Variants in GRM7 observed in about 807,000 individuals in gnomAD.
The protein encoded by GRM7 is metabotropic glutamate receptor 7.
GRM7 carries 35 observed loss-of-function variants against 84.5 expected under a neutral mutation model. That is an observed-to-expected ratio of 0.41 (90% confidence interval 0.32 to 0.55). GRM7 has a LOEUF of 0.55. Among genes scored for constraint, GRM7 ranks in the 20% least tolerant of loss-of-function variants. The probability of loss-of-function intolerance (pLI) is 0.19; values close to 1 mark genes in which losing one functional copy is unlikely to be tolerated. For synonymous variants in GRM7, 487 were observed against 455.1 expected (o/e 1.07, Z -0.89); for missense variants, 1,003 against 1,194.6 (o/e 0.84, Z 2.36).
At chr3:7,349,955 A>G (rs1559256942) in intron 4 of GRM7, among the ~76,000 whole-genome samples, 1 of 151,820 alleles carries the variant, frequency 6.6e-6, no homozygotes, top group African/African-American at 2.4e-5. Context: ...GTTTTTCTCT[A>G]GCACCGCTTT....
At chr3:7,096,639 A>G (rs1380347974) in intron 1 of GRM7, among the ~76,000 whole-genome samples, 2 of 152,262 alleles carry the variant, frequency 1.3e-5, no homozygotes, top group East Asian at 1.9e-4. Flanking sequence ...CATTGGCCAC[A>G]TGAGTCAACT....
intron 4 of GRM7, among the ~76,000 whole-genome samples, chr3:7,375,707 A>G (rs1221732452): frequency 1.3e-5 from 2 of 152,012 alleles, no homozygotes; most frequent in Admixed American, 1.3e-4. Flanking sequence ...AATTCTTCAT[A>G]TGCCCCTCCC....
intron 1 of GRM7, among the ~76,000 whole-genome samples, chr3:6,905,343 A>G (rs571135238): frequency 7.1e-4 from 108 of 152,214 alleles, no homozygotes; most frequent in African/African-American, 2.6e-3. Context: ...TGTATTCTCT[A>G]TAGTTTTTGT....
chr3:6,963,077 A>T (rs1451958397), intron 1 of GRM7, among the ~76,000 whole-genome samples: 1 of 152,230 alleles, frequency 6.6e-6, no homozygotes, highest in East Asian at 1.9e-4. Context: ...ATAAGATTAA[A>T]AAAGAGCCTT....
chr3:7,101,620 A>C (rs1699110761), intron 1 of GRM7, among the ~76,000 whole-genome samples: 1 of 151,218 alleles, frequency 6.6e-6, no homozygotes, highest in Non-Finnish European at 1.5e-5. Context: ...TTGACTTTTA[A>C]AAATTCTACT....
chr3:7,153,714 T>C (rs1329034780), intron 2 of GRM7, among the ~76,000 whole-genome samples: 1 of 152,126 alleles, frequency 6.6e-6, no homozygotes, highest in Non-Finnish European at 1.5e-5. Context: ...ACTTATGCAA[T>C]ATGTATCTGA....
At chr3:7,695,571 A>G (rs1056071508) in intron 9 of GRM7, among the ~76,000 whole-genome samples, 1 of 152,146 alleles carries the variant, frequency 6.6e-6, no homozygotes, top group African/African-American at 2.4e-5. Context: ...ATCAGCCATG[A>G]TCTTGTGGAG....
intron 1 of GRM7, among the ~76,000 whole-genome samples, chr3:6,993,499 A>T (rs563141031): frequency 6.6e-6 from 1 of 152,214 alleles, no homozygotes; most frequent in South Asian, 2.1e-4. Flanking sequence ...GCGTCCAGTA[A>T]GTGGTCTTAA....
At chr3:7,039,380 G>A (rs1344324125) in intron 1 of GRM7, among the ~76,000 whole-genome samples, 1 of 152,126 alleles carries the variant, frequency 6.6e-6, no homozygotes, top group African/African-American at 2.4e-5. Flanking sequence ...TTTTGTGACA[G>A]GTATCACGGA....
At chr3:7,157,278 A>G (rs1694483723) in intron 2 of GRM7, among the ~76,000 whole-genome samples, 2 of 152,188 alleles carry the variant, frequency 1.3e-5, no homozygotes, top group African/African-American at 2.4e-5. Context: ...TGGTTATTGT[A>G]GATATTTCAG....
At chr3:7,524,159 C>T (rs1368290696) in intron 7 of GRM7, among the ~76,000 whole-genome samples, 1 of 151,340 alleles carries the variant, frequency 6.6e-6, no homozygotes, top group African/African-American at 2.4e-5. Context: ...ACCATAAAAA[C>T]CCTAGAAGAA....
chr3:7,342,678 A>G (rs1351372945), intron 4 of GRM7, among the ~76,000 whole-genome samples: 2 of 152,172 alleles, frequency 1.3e-5, no homozygotes, highest in African/African-American at 4.8e-5. Context: ...CTAACTCAAC[A>G]TATCTGGTCT....
At position 7,181,396 on chromosome 3, in the gene GRM7, G is replaced by A. The variant is rs558648528; in HGVS notation, c.736+34728G>A. On this transcript the variant is annotated intron_variant, in intron 2 of 9. Transcript: ENST00000357716. ...CTACTATTTTGGAATCTTCCCTAGG[G>A]TTTAAAAATCCAGGCACCATCTCTT... 1.1e-4 allele frequency among the ~76,000 whole-genome samples: 17 copies of A among 152,082 alleles called. 2 individuals are homozygous for A. In the South Asian group the frequency reaches 3.3e-3, roughly 30 times the overall value.
intron 9 of GRM7, among the ~76,000 whole-genome samples, chr3:7,713,786 G>A (rs1260359748): frequency 2.8e-5 from 4 of 143,816 alleles, no homozygotes; most frequent in African/African-American, 1.0e-4. Flanking sequence ...GAAGAGCCAC[G>A]GATGCTTTCT....
At chr3:7,069,971 A>G (rs1460826654) in intron 1 of GRM7, among the ~76,000 whole-genome samples, 1 of 152,094 alleles carries the variant, frequency 6.6e-6, no homozygotes, top group African/African-American at 2.4e-5. Context: ...CCACCTATTT[A>G]CTATATAGTA....
chr3:7,693,271 G>T (rs1424454571), intron 9 of GRM7, among the ~76,000 whole-genome samples: 1 of 152,078 alleles, frequency 6.6e-6, no homozygotes, highest in East Asian at 1.9e-4. Flanking sequence ...ATCAAGTTTG[G>T]CATGGAAACA....
At chr3:7,725,398 T>G (rs918333801) in intron 9 of GRM7, among the ~76,000 whole-genome samples, 9 of 152,290 alleles carry the variant, frequency 5.9e-5, no homozygotes, top group Admixed American at 4.6e-4. Context: ...AGTAACTCTG[T>G]ATGAGCTTTG....
At chr3:7,281,561 T>C (rs1699251015) in intron 2 of GRM7, among the ~76,000 whole-genome samples, 1 of 152,220 alleles carries the variant, frequency 6.6e-6, no homozygotes, top group East Asian at 1.9e-4. Flanking sequence ...TGTAACTTCA[T>C]GGGATTCCTT....
At chr3:7,303,933 C>CTT (rs143912265) in intron 3 of GRM7, among the ~76,000 whole-genome samples, 332 of 146,292 alleles carry the variant, frequency 2.3e-3, no homozygotes, top group African/African-American at 5.4e-3. Context: ...CCTGTAGCTT[C>CTT]TTTTTTTTTT....
Sources: allele counts gnomAD v4.1 joint callset (sites outside exome capture counted in the v4.1 genomes callset), GRCh38; gene constraint gnomAD v4.1.1; transcripts MANE v1.5; gene names NCBI Gene and HGNC (gene_info 2026-07-23, HGNC 2026-07-21).